Variants in TGFBR2 observed in about 807,000 individuals in gnomAD.
The protein encoded by TGFBR2 is transforming growth factor beta receptor 2.
TGFBR2 carries 18 observed loss-of-function variants against 49.0 expected under a neutral mutation model. The observed-to-expected ratio is 0.37, with a 90% CI of 0.25 to 0.54. The LOEUF is 0.54. TGFBR2 is among the 20% of genes least tolerant of loss of function. TGFBR2 has a pLI of 0.85. For synonymous variants in TGFBR2, 282 were observed against 275.9 expected (o/e 1.02, Z -0.22); for missense variants, 525 against 722.6 (o/e 0.73, Z 3.13).
intron 1 of TGFBR2, chr3:30,626,849 A>C (rs559060501): frequency 6.6e-6 from 1 of 152,380 alleles, no homozygotes; most frequent in East Asian, 1.9e-4. Context: ...GTAGGGAGGT[A>C]GAAATTTTGG....
At chr3:30,680,250 CAT>C (rs752065824) in intron 5 of TGFBR2, among the ~76,000 whole-genome samples, 5 of 152,124 alleles carry the variant, frequency 3.3e-5, no homozygotes, top group Non-Finnish European at 7.4e-5. Context: ...GAGACAATCA[CAT>C]GTTTGAGGAA....
chr3:30,620,119 G>A (rs17025752), intron 1 of TGFBR2, among the ~76,000 whole-genome samples: 3,157 of 152,204 alleles, frequency 0.021, 133 homozygotes, highest in African/African-American at 0.072. Flanking sequence ...CCTGGGAGGC[G>A]GAGTTTGCAG....
chr3:30,674,289 T>G, intron 5 of TGFBR2, 43 bp downstream of exon 5: 1 of 1,611,942 alleles, frequency 6.2e-7, no homozygotes, highest in Non-Finnish European at 8.5e-7. Flanking sequence ...AAACTTGTCT[T>G]CAAAATAAGA....
intron 1 of TGFBR2, among the ~76,000 whole-genome samples, chr3:30,618,619 T>C (rs1309618069): frequency 6.6e-6 from 1 of 152,198 alleles, no homozygotes; most frequent in Non-Finnish European, 1.5e-5. Flanking sequence ...CCTTGACATA[T>C]GTAGGCCCTA....
intron 2 of TGFBR2, among the ~76,000 whole-genome samples, chr3:30,645,491 C>CTTTT (rs771983813): frequency 7.3e-6 from 1 of 136,320 alleles, no homozygotes; most frequent in Non-Finnish European, 1.6e-5. Flanking sequence ...CTACATATTT[C>CTTTT]TTTTTTTTTT....
chr3:30,689,651 T>A (rs1434100431), intron 6 of TGFBR2, among the ~76,000 whole-genome samples: 1 of 152,188 alleles, frequency 6.6e-6, no homozygotes, highest in Non-Finnish European at 1.5e-5. Flanking sequence ...GTCACAGGCT[T>A]CTCTGGAGTT....
At chr3:30,656,333 C>A (rs564355855) in intron 3 of TGFBR2, among the ~76,000 whole-genome samples, 51 of 152,224 alleles carry the variant, frequency 3.4e-4, no homozygotes, top group Non-Finnish European at 5.7e-4. Flanking sequence ...GTAAGCATTT[C>A]TTTTGTTTCT....
chr3:30,627,087 A>T (rs969234962), intron 1 of TGFBR2, among the ~76,000 whole-genome samples: 1 of 152,158 alleles, frequency 6.6e-6, no homozygotes, highest in African/African-American at 2.4e-5. Context: ...GGGAAATAAA[A>T]ATCTAAAGAT....
intron 1 of TGFBR2, among the ~76,000 whole-genome samples, chr3:30,629,097 G>A (rs536385968): frequency 1.3e-5 from 2 of 152,280 alleles, no homozygotes; most frequent in Admixed American, 1.3e-4. Context: ...GCCGAGGAAC[G>A]CAGGTCCTTT....
At chr3:30,608,030 C>A (rs1324137054) in intron 1 of TGFBR2, among the ~76,000 whole-genome samples, 1 of 151,224 alleles carries the variant, frequency 6.6e-6, no homozygotes, top group African/African-American at 2.4e-5. Flanking sequence ...AACTTTGCCT[C>A]TGGGTTCAAG....
At position 30,616,014 on chromosome 3, in the gene TGFBR2, A is replaced by T. The variant is rs375308389; in HGVS notation, c.94+9037A>T. On this transcript the variant is annotated intron_variant, in intron 1 of 6. Transcript: ENST00000295754. The stretch of plus-strand genomic sequence containing the variant: ...CACCTCTGCCTCCCAAAGTGTTAGG[A>T]TTACAGGTGTAAGCCACTGCACCCG... Among the ~76,000 whole-genome samples the T allele has an allele frequency of 2.0e-4, 30 of 152,298 alleles. No individual in the cohort carries two copies. The East Asian group carries it at 5.6e-3, about 28-fold the overall frequency.
At chr3:30,607,398 C>G (rs548259906) in intron 1 of TGFBR2, among the ~76,000 whole-genome samples, 1 of 152,260 alleles carries the variant, frequency 6.6e-6, no homozygotes, top group Non-Finnish European at 1.5e-5. Context: ...CGTGCCCACC[C>G]AGCTCTTTCT....
intron 1 of TGFBR2, among the ~76,000 whole-genome samples, chr3:30,633,169 TTGATA>T (rs769204833): frequency 5.3e-5 from 8 of 152,220 alleles, no homozygotes; most frequent in Admixed American, 2.0e-4. Flanking sequence ...CTTTCTCTCA[TTGATA>T]TGATATGATA....
chr3:30,651,751 A>C (rs1038747494), intron 3 of TGFBR2, among the ~76,000 whole-genome samples: 2 of 152,238 alleles, frequency 1.3e-5, no homozygotes, highest in African/African-American at 2.4e-5. Context: ...TGTATTTTAA[A>C]TTTGAATAAG....
chr3:30,612,778 C>T (rs1698052630), intron 1 of TGFBR2, among the ~76,000 whole-genome samples: 1 of 152,020 alleles, frequency 6.6e-6, no homozygotes, highest in African/African-American at 2.4e-5. Context: ...CAAGAAGAGC[C>T]GACTTTATCC....
intron 1 of TGFBR2, among the ~76,000 whole-genome samples, chr3:30,617,653 T>G (rs1011557523): frequency 6.6e-6 from 1 of 152,194 alleles, no homozygotes; most frequent in Non-Finnish European, 1.5e-5. Flanking sequence ...TATGAGTTAT[T>G]ATATGCATCA....
At chr3:30,612,191 A>G (rs1260953489) in intron 1 of TGFBR2, among the ~76,000 whole-genome samples, 1 of 152,202 alleles carries the variant, frequency 6.6e-6, no homozygotes, top group African/African-American at 2.4e-5. Flanking sequence ...ACCCTGAGAC[A>G]GCCACTTGAT....
chr3:30,688,778 T>TAA (rs1699665776), intron 6 of TGFBR2, among the ~76,000 whole-genome samples: 2 of 152,384 alleles, frequency 1.3e-5, no homozygotes, highest in South Asian at 4.1e-4. Context: ...GGTCCTGGGT[T>TAA]AAAACATTTT....
At chr3:30,645,939 G>A (rs1698729425) in intron 2 of TGFBR2, among the ~76,000 whole-genome samples, 1 of 152,052 alleles carries the variant, frequency 6.6e-6, no homozygotes, top group African/African-American at 2.4e-5. Context: ...TAGATTGTGA[G>A]CATGAACAAG....
Sources: allele counts gnomAD v4.1 joint callset (sites outside exome capture counted in the v4.1 genomes callset), GRCh38; gene constraint gnomAD v4.1.1; transcripts MANE v1.5; gene names NCBI Gene and HGNC (gene_info 2026-07-23, HGNC 2026-07-21).